Variants in SDK1 observed in about 807,000 individuals in gnomAD.
SDK1 encodes sidekick cell adhesion molecule 1.
SDK1 carries 157 observed loss-of-function variants against 245.5 expected under a neutral mutation model. The observed-to-expected ratio is 0.64, with a 90% confidence interval of 0.56 to 0.73. SDK1 has a LOEUF of 0.73. Ranked by LOEUF, SDK1 falls within the 30% of genes least tolerant of loss-of-function variation. The probability of loss-of-function intolerance (pLI) is 0.00; values close to 1 mark genes in which losing one functional copy is unlikely to be tolerated. For missense variants in SDK1, 3,583 were observed against 3,002.3 expected, an observed-to-expected ratio of 1.19 and a Z score of -4.52; for synonymous variants, 1,647 against 1,278.5, an observed-to-expected ratio of 1.29 and a Z score of -6.15.
intron 4 of SDK1, among the ~76,000 whole-genome samples, chr7:3,655,671 G>A (rs1234565331): frequency 4.0e-5 from 6 of 151,348 alleles, no homozygotes; most frequent in Non-Finnish European, 8.8e-5. Flanking sequence ...ACAGCACCTG[G>A]TCATACTAAG....
At chr7:3,556,086 A>C (rs1304147864) in intron 1 of SDK1, among the ~76,000 whole-genome samples, 2 of 152,222 alleles carry the variant, frequency 1.3e-5, no homozygotes, top group Non-Finnish European at 2.9e-5. Context: ...CAAAGAAAGG[A>C]ATCAGTATAC....
intron 27 of SDK1, chr7:4,130,364 G>T (rs1784724948): frequency 2.1e-6 from 1 of 481,112 alleles, no homozygotes; most frequent in African/African-American, 2.0e-5. Flanking sequence ...AGAGGCAGCA[G>T]AGGCTGGGGC....
chr7:3,520,630 G>C (rs1314159032), intron 1 of SDK1, among the ~76,000 whole-genome samples: 1 of 151,864 alleles, frequency 6.6e-6, no homozygotes, highest in African/African-American at 2.4e-5. Context: ...TAAGAATTCA[G>C]TTTGGCTATG....
At chr7:3,562,989 A>G (rs1214712634) in intron 1 of SDK1, among the ~76,000 whole-genome samples, 1 of 151,364 alleles carries the variant, frequency 6.6e-6, no homozygotes, top group Non-Finnish European at 1.5e-5. Context: ...CTAGGACATA[A>G]GAAAACAGAA....
Position 3,987,247 on chromosome 7 carries a change from G to C in SDK1, c.2056G>C (p.Val686Leu), listed in dbSNP as rs756716734. 1 of 1,614,092 alleles carries C rather than the reference G, an allele frequency of 6.2e-7. No homozygotes were observed. The highest frequency in any genetic ancestry group is 1.1e-5 in the South Asian group (1 of 91,076). The change falls in exon 14 of 45, where the codon GTG becomes CTG. Residue 686 changes from valine to leucine, a missense_variant. Transcript: ENST00000404826. Reference protein sequence around the residue: ...VSPNSSHSHAVVLSWVRPFDG... With the variant: ...VSPNSSHSHALVLSWVRPFDG... ...CCCTAATTCTTCCCACAGCCACGCC[G>C]TGGTGCTCTCTTGGGTCCGGCCCTT...
intron 4 of SDK1, among the ~76,000 whole-genome samples, chr7:3,705,830 C>T (rs1240316395): frequency 2.0e-5 from 3 of 151,926 alleles, no homozygotes; most frequent in African/African-American, 7.3e-5. Context: ...CATCCTTGAC[C>T]TATTTCAGTT....
chr7:3,334,109 G>A (rs1031406324), intron 1 of SDK1, among the ~76,000 whole-genome samples: 1 of 152,142 alleles, frequency 6.6e-6, no homozygotes, highest in Non-Finnish European at 1.5e-5. Flanking sequence ...ATGATCTGAA[G>A]GAACCTAAAT....
intron 4 of SDK1, among the ~76,000 whole-genome samples, chr7:3,733,046 G>A (rs1215964955): frequency 6.6e-6 from 1 of 152,048 alleles, no homozygotes; most frequent in African/African-American, 2.4e-5. Flanking sequence ...TTCATCCCTG[G>A]GAATCATTAT....
chr7:3,567,032 C>A (rs892921628), intron 1 of SDK1, among the ~76,000 whole-genome samples: 2 of 152,120 alleles, frequency 1.3e-5, no homozygotes. Flanking sequence ...AATACTGATC[C>A]CACATTTATT....
chr7:4,256,787 C>G (rs1787660100), intron 44 of SDK1, among the ~76,000 whole-genome samples: 1 of 152,176 alleles, frequency 6.6e-6, no homozygotes, highest in Admixed American at 6.5e-5. Context: ...GTGAGAAGCC[C>G]TTTGTGGTCT....
intron 11 of SDK1, 115 bp downstream of exon 11, chr7:3,969,539 A>G: frequency 1.4e-6 from 1 of 705,118 alleles, no homozygotes; most frequent in Non-Finnish European, 2.1e-6. Flanking sequence ...ATCAAAAGAG[A>G]ATGATTATTT....
At chr7:3,659,937 G>C (rs181794220) in intron 4 of SDK1, among the ~76,000 whole-genome samples, 1 of 152,282 alleles carries the variant, frequency 6.6e-6, no homozygotes, top group Non-Finnish European at 1.5e-5. Flanking sequence ...GCCCTTGGGG[G>C]AATCTTTTAC....
chr7:3,350,008 T>G (rs559981198), intron 1 of SDK1, among the ~76,000 whole-genome samples: 1 of 152,154 alleles, frequency 6.6e-6, no homozygotes, highest in African/African-American at 2.4e-5. Flanking sequence ...AGGATGAAGT[T>G]TGGGGACTTT....
At chr7:4,219,541 C>T (rs180957469) in intron 38 of SDK1, among the ~76,000 whole-genome samples, 41 of 152,186 alleles carry the variant, frequency 2.7e-4, no homozygotes, top group African/African-American at 8.9e-4. Flanking sequence ...TTCACTACCA[C>T]GAGAACAGAA....
intron 4 of SDK1, among the ~76,000 whole-genome samples, chr7:3,682,022 G>A (rs958657735): frequency 3.9e-5 from 6 of 152,168 alleles, no homozygotes; most frequent in African/African-American, 1.4e-4. Flanking sequence ...AATGGGAGAA[G>A]AACAGACTCT....
At chr7:3,351,480 G>A (rs144573821) in intron 1 of SDK1, among the ~76,000 whole-genome samples, 1 of 151,200 alleles carries the variant, frequency 6.6e-6, no homozygotes, top group African/African-American at 2.5e-5. Flanking sequence ...AATGTAAATA[G>A]ACTAGAGGAT....
chr7:3,345,927 C>T (rs1043394172), intron 1 of SDK1, among the ~76,000 whole-genome samples: 1 of 152,214 alleles, frequency 6.6e-6, no homozygotes, highest in Non-Finnish European at 1.5e-5. Flanking sequence ...GCAGTGTCAT[C>T]ACCCACTGCA....
rs190253361 is a variant in SDK1 at position 3,701,599 on chromosome 7, A to C, written c.713+59494A>C. On this transcript the variant is annotated intron_variant, in intron 4 of 44. Coordinates refer to ENST00000404826, the MANE Select transcript of SDK1 (RefSeq NM_152744.4). ...GGGTGATAGAGCGAGACCCTGTCTC[A>C]AAAAAACCCAAAAATATAAAAGATT... Among the ~76,000 whole-genome samples, 47 of 152,234 alleles carry C rather than the reference A, an allele frequency of 3.1e-4. 1 individual carries two copies. The highest frequency in any genetic ancestry group is 1.1e-3 in the African/African-American group (44 of 41,556).
chr7:3,927,731 T>C (rs758288749), intron 5 of SDK1, among the ~76,000 whole-genome samples: 1 of 152,224 alleles, frequency 6.6e-6, no homozygotes. Context: ...AGTATTCTGC[T>C]CAGAAGTAAA....
Sources: gnomAD v4.1 joint callset for allele counts (sites outside exome capture counted in the v4.1 genomes callset) on GRCh38, gnomAD v4.1.1 for gene constraint, MANE v1.5 for transcripts, NCBI Gene and HGNC (gene_info 2026-07-23, HGNC 2026-07-21) for gene names.